The following FBN2 variants were observed in gnomAD, a reference collection of about 807,000 sequenced individuals.
The protein encoded by FBN2 is fibrillin 2.
FBN2 carries 105 observed loss-of-function variants against 355.6 expected under a neutral mutation model. That is an observed-to-expected ratio of 0.30 (90% CI 0.25 to 0.35). FBN2 has a LOEUF of 0.35. Among genes scored for constraint, FBN2 ranks in the 10% least tolerant of loss-of-function variants. FBN2 has a pLI of 1.00. For synonymous variants in FBN2, 1,350 were observed against 1,301.2 expected, an observed-to-expected ratio of 1.04 and a Z score of -0.81; for missense variants, 3,280 against 3,758.7, an observed-to-expected ratio of 0.87 and a Z score of 3.33.
intron 53 of FBN2, 129 bp from the exon 54 acceptor site, chr5:128,287,559 C>CTAAATTCTGCGTACCAGAT: frequency 1.0e-6 from 1 of 965,154 alleles, no homozygotes; most frequent in Non-Finnish European, 1.6e-6. Flanking sequence ...ACATCTGGTA[C>CTAAATTCTGCGTACCAGAT]GCAGAATTTA....
chr5:128,294,129 T>C (rs1335933366), intron 48 of FBN2, among the ~76,000 whole-genome samples: 1 of 152,160 alleles, frequency 6.6e-6, no homozygotes, highest in Non-Finnish European at 1.5e-5. Context: ...AGAATGATGA[T>C]TTCCAATTTC....
At chr5:128,430,851 AAAATAAAT>A (rs140579051) in intron 7 of FBN2, among the ~76,000 whole-genome samples, 6,366 of 147,810 alleles carry the variant, frequency 0.043, 333 homozygotes, top group African/African-American at 0.12. Flanking sequence ...CCCTGTCTCA[AAAATAAAT>A]AAATAAATAA....
intron 39 of FBN2, 105 bp downstream of exon 39, chr5:128,311,195 T>G: frequency 8.0e-7 from 1 of 1,242,348 alleles, no homozygotes; most frequent in Non-Finnish European, 1.2e-6. Context: ...GAACCAATCT[T>G]AATTGAGCCT....
rs568923159 is a variant in FBN2 at position 128,376,724 on chromosome 5, C to T, written c.1972+7G>A. The T allele has an allele frequency of 1.2e-6, 2 of 1,613,614 alleles. No individual in the cohort carries two copies. The highest frequency in any genetic ancestry group is 2.2e-5 in the East Asian group (1 of 44,866). On this transcript the variant is annotated splice_region_variant and intron_variant, in intron 14 of 64. Transcript: ENST00000262464. ...TGGTCACTTTCCTATCTGAAAGCCA[C>T]ACATACCAGTACAGTAACGCCCATT...
chr5:128,294,187 A>G (rs1211028271), intron 48 of FBN2, among the ~76,000 whole-genome samples: 1 of 152,170 alleles, frequency 6.6e-6, no homozygotes, highest in Non-Finnish European at 1.5e-5. Context: ...TTATGGCTGC[A>G]GAGTATTCCA....
rs1380872266 is a variant in FBN2 at position 128,310,388 on chromosome 5, ATATATATATATATATTTT to A, written c.5075-298_5075-281del. ...CACATATATATATATATATATATAT[ATATATATATATATATTTT>A]TTTTTTTTTTTTTTTATTGCAATTC... is the stretch of plus-strand genomic sequence containing the variant. On this transcript the variant is annotated intron_variant, in intron 39 of 64. Coordinates refer to ENST00000262464, the MANE Select transcript of FBN2 (RefSeq NM_001999.4). 9.8e-3 allele frequency among the ~76,000 whole-genome samples: 726 copies of A among 74,028 alleles called. 10 individuals are homozygous for A. The highest frequency in any genetic ancestry group is 0.042 in the East Asian group (70 of 1,652). 48.6% of individuals were successfully genotyped at this position (74,028 alleles called of 152,430 possible).
chr5:128,335,876 A>G (rs781769283), intron 28 of FBN2, 112 bp downstream of exon 28: 9 of 1,168,132 alleles, frequency 7.7e-6, no homozygotes, highest in Non-Finnish European at 1.1e-5. Flanking sequence ...CTAGTCTTAC[A>G]TTCATTTTTG....
At position 128,303,066 on chromosome 5, in the gene FBN2, G is replaced by C. The variant is rs761603109; in HGVS notation, c.5824C>G (p.Pro1942Ala). ...TTTTTACAAGTTCCATTTCCACATG[G>C]ATGCCGCTCGCACTCATCAACATCT... is the stretch of plus-strand genomic sequence containing the variant. ...CMDVDECERH[P>A]CGNGTCKNTV... The change falls in exon 46 of 65, where the codon CCA (proline) becomes GCA (alanine). Residue 1942 changes from proline to alanine, a missense_variant. By Grantham distance (27) the Pro-to-Ala change is conservative (BLOSUM62 -1). Coordinates refer to ENST00000262464, the MANE Select transcript of FBN2 (RefSeq NM_001999.4). 6.2e-7 allele frequency: 1 copy of C among 1,610,088 alleles called. No individual in the cohort carries two copies. Among genetic ancestry groups the C allele is most frequent in the South Asian group, 1.1e-5 (1 of 90,998 alleles).
At chr5:128,492,668 T>G (rs1306062120) in intron 5 of FBN2, among the ~76,000 whole-genome samples, 1 of 151,836 alleles carries the variant, frequency 6.6e-6, no homozygotes, top group African/African-American at 2.4e-5. Context: ...CTGGGTGTGG[T>G]GGCAGGCACC....
At chr5:128,436,401 C>T (rs1753767993) in intron 7 of FBN2, among the ~76,000 whole-genome samples, 1 of 152,156 alleles carries the variant, frequency 6.6e-6, no homozygotes, top group African/African-American at 2.4e-5. Context: ...CTTCAAATTT[C>T]CATTTCACAT....
rs1765499978 is a variant in FBN2 at position 128,280,304 on chromosome 5, G to A, written c.7026C>T (p.Cys2342=). Residue 2342 remains cysteine, a synonymous_variant, in exon 56 of 65, where the codon TGC becomes TGT. Coordinates refer to ENST00000262464, the MANE Select transcript of FBN2 (RefSeq NM_001999.4). ...DGEGCVDENE[C]RTKPGICENG... is the part of the protein sequence containing the mutation. ...TTTCACAGATTCCTGGCTTGGTCCT[G>A]CATTCATTTTCATCTTTAGAAAAAC... is the stretch of plus-strand genomic sequence containing the variant. 1 of 1,609,982 alleles carries A rather than the reference G, an allele frequency of 6.2e-7. No individual in the cohort carries two copies.
At chr5:128,272,359 G>C (rs1765289554) in intron 61 of FBN2, among the ~76,000 whole-genome samples, 4 of 151,662 alleles carry the variant, frequency 2.6e-5, no homozygotes, top group Admixed American at 2.6e-4. Context: ...CGGCATGTCA[G>C]TGCTCTAAAT....
intron 5 of FBN2, among the ~76,000 whole-genome samples, chr5:128,480,094 A>T (rs1402910090): frequency 2.1e-5 from 3 of 141,374 alleles, no homozygotes; most frequent in African/African-American, 7.7e-5. Context: ...TAATATATAT[A>T]TTCTCTCCAT....
chr5:128,278,606 T>C, intron 57 of FBN2, 29 bp downstream of exon 57: 11 of 1,585,818 alleles, frequency 6.9e-6, no homozygotes, highest in Non-Finnish European at 9.5e-6. Flanking sequence ...ATGTGTTGAT[T>C]ATATGAATAA....
At chr5:128,402,097 ACC>A (rs1238187854) in intron 8 of FBN2, among the ~76,000 whole-genome samples, 5 of 152,148 alleles carry the variant, frequency 3.3e-5, no homozygotes, top group African/African-American at 7.2e-5. Flanking sequence ...GCTGGGAATT[ACC>A]TCTCTTTCCT....
chr5:128,455,750 A>G (rs961929322), intron 6 of FBN2, among the ~76,000 whole-genome samples: 8 of 151,928 alleles, frequency 5.3e-5, no homozygotes, highest in African/African-American at 1.9e-4. Context: ...AGTGAGTGTG[A>G]TACCCAGCCT....
At chr5:128,421,864 G>A (rs188637441) in intron 7 of FBN2, among the ~76,000 whole-genome samples, 50 of 152,226 alleles carry the variant, frequency 3.3e-4, no homozygotes, top group Admixed American at 2.4e-3. Flanking sequence ...GAGCTTGCAC[G>A]ACAAAGAGAA....
rs746567292 is a variant in FBN2, at chr5:128,537,598, C to G, written c.6G>C (p.Gly2=). 21 of 1,607,190 alleles carry G rather than the reference C, an allele frequency of 1.3e-5. No individual in the cohort carries two copies. The highest frequency in any genetic ancestry group is 1.0e-4 in the Admixed American group (6 of 59,716). M[G]RRRRLCLQLY... is the part of the protein sequence containing the mutation. Reference sequence around the variant, plus strand: ...GCTGGAGACACAGCCTCCGTCTTCTCCCCATCGCCGGCGCCGAAAGCGCGC... The same window carrying G: ...GCTGGAGACACAGCCTCCGTCTTCTGCCCATCGCCGGCGCCGAAAGCGCGC... Residue 2 remains glycine (G), a synonymous_variant, in exon 1 of 65, where the codon GGG becomes GGC. Coordinates refer to ENST00000262464, the MANE Select transcript of FBN2 (RefSeq NM_001999.4).
chr5:128,435,759 T>A (rs1256973648), intron 7 of FBN2, among the ~76,000 whole-genome samples: 1 of 152,236 alleles, frequency 6.6e-6, no homozygotes, highest in Non-Finnish European at 1.5e-5. Flanking sequence ...AATAGATTTT[T>A]AAAAAGTTAA....
Sources: gnomAD v4.1 joint callset for allele counts (sites outside exome capture counted in the v4.1 genomes callset) on GRCh38, gnomAD v4.1.1 for gene constraint, MANE v1.5 for transcripts, NCBI Gene and HGNC (gene_info 2026-07-23, HGNC 2026-07-21) for gene names.